Variants in SNX1 observed in about 807,000 individuals in gnomAD.
The protein encoded by SNX1 is sorting nexin 1.
Under a neutral mutation model 71.8 loss-of-function variants are expected in SNX1, and 36 were observed. The ratio of observed to expected loss-of-function variants is 0.50; its 90% CI spans 0.38 to 0.66. The LOEUF (loss-of-function observed/expected upper bound fraction) is 0.66, where lower values mean the gene tolerates loss of function less well. SNX1 is among the 30% of genes least tolerant of loss of function. The pLI is 0.00. For missense variants in SNX1, 612 were observed against 646.7 expected (o/e 0.95, Z 0.58); for synonymous variants, 254 against 240.7 (o/e 1.06, Z -0.51).
chr15:64,097,751 CTG>C (rs1008108592), intron 1 of SNX1, among the ~76,000 whole-genome samples: 3 of 152,186 alleles, frequency 2.0e-5, no homozygotes, highest in Admixed American at 2.0e-4. Flanking sequence ...AATGCTGGGT[CTG>C]TGAATTTATC....
intron 2 of SNX1, 96 bp downstream of exon 2, chr15:64,112,780 G>A: frequency 1.5e-6 from 1 of 685,222 alleles, no homozygotes; most frequent in Non-Finnish European, 2.4e-6. Flanking sequence ...AAAGTATTGG[G>A]AACATAACTT....
At position 64,144,002 on chromosome 15, in the gene SNX1, CAT is replaced by C. The variant is rs1220069639; in HGVS notation, c.*6387_*6388del. On this transcript the variant is annotated 3_prime_UTR_variant, in exon 15 of 15. Transcript: ENST00000559844. The surrounding 1 kb of genome is among the most constrained non-coding windows in gnomAD (Gnocchi z 4.3). ...GCTATATTCATTGACAAGGAAAACTCATATTTTTTAGTGAAAAAAGCAGGTTA... is the reference window on the plus strand; with the variant it reads ...GCTATATTCATTGACAAGGAAAACTCATTTTTTAGTGAAAAAAGCAGGTTA... 2 of 152,102 alleles carry C rather than the reference CAT, an allele frequency of 1.3e-5. No individual in the cohort carries two copies. Among genetic ancestry groups the C allele is most frequent in the African/African-American group, 4.8e-5 (2 of 41,416 alleles). 9.4% of individuals were successfully genotyped at this position (152,102 alleles called of 1,614,324 possible). A position where few individuals can be genotyped will look rare whatever the true frequency, so the allele number is the denominator to read the frequency against.
At chr15:64,114,967 C>T (rs2081113840) in intron 2 of SNX1, among the ~76,000 whole-genome samples, 1 of 152,096 alleles carries the variant, frequency 6.6e-6, no homozygotes, top group African/African-American at 2.4e-5. Context: ...GTAGCAAAAC[C>T]TCGTCTCTAT....
rs1353686520 is a variant in SNX1 at position 64,137,628 on chromosome 15, G to A, written c.*10G>A. On this transcript the variant is annotated 3_prime_UTR_variant, in exon 15 of 15. Coordinates refer to ENST00000559844, the MANE Select transcript of SNX1 (RefSeq NM_003099.5). ...AAAGGCCATCTCCTAATGGACCAAGGACCCCAGAGCCCACCTGTGTGACGC... is the reference window on the plus strand; with the variant it reads ...AAAGGCCATCTCCTAATGGACCAAGAACCCCAGAGCCCACCTGTGTGACGC... 1.2e-6 allele frequency: 2 copies of A among 1,614,142 alleles called. No homozygotes were observed. Among genetic ancestry groups the A allele is most frequent in the Non-Finnish European group, 1.7e-6 (2 of 1,180,010 alleles).
intron 1 of SNX1, among the ~76,000 whole-genome samples, chr15:64,102,183 G>GT (rs1387934791): frequency 1.3e-5 from 2 of 152,030 alleles, no homozygotes; most frequent in Non-Finnish European, 2.9e-5. Flanking sequence ...TGGTCATGGG[G>GT]TTTCTGTCTT....
chr15:64,135,619 C>T lies in SNX1; in HGVS notation c.1366-711C>T, dbSNP rs1175571882. 5.3e-5 allele frequency among the ~76,000 whole-genome samples: 8 copies of T among 151,714 alleles called. No individual in the cohort carries two copies. In the East Asian group the frequency reaches 1.4e-3, roughly 26 times the overall value. ...AAAAAAAATACAAAAATTAGCTGGGCGTGGTAGCACCCACTTATAGTCTCA... is the reference window on the plus strand; with the variant it reads ...AAAAAAAATACAAAAATTAGCTGGGTGTGGTAGCACCCACTTATAGTCTCA... On this transcript the variant is annotated intron_variant, in intron 12 of 14. Coordinates refer to ENST00000559844, the MANE Select transcript of SNX1 (RefSeq NM_003099.5).
At chr15:64,108,854 G>A (rs776646209) in intron 1 of SNX1, among the ~76,000 whole-genome samples, 2 of 151,884 alleles carry the variant, frequency 1.3e-5, no homozygotes, top group African/African-American at 2.4e-5. Context: ...CAGGCGTGGT[G>A]GTGGGCGCCC....
chr15:64,126,089 C>T lies in SNX1; in HGVS notation c.521C>T (p.Pro174Leu). 6.2e-7 allele frequency: 1 copy of T among 1,614,066 alleles called. No individual in the cohort carries two copies. Among genetic ancestry groups the T allele is most frequent in the Non-Finnish European group, 8.5e-7 (1 of 1,179,984 alleles). Residue 174 changes from proline (P) to leucine (L), a missense_variant, in exon 6 of 15, where the codon CCA becomes CTA. Pro to Leu is a moderately conservative substitution (Grantham distance 98). Transcript: ENST00000559844. ...AYKVTTQTSL[P>L]LFRSKQFAVK... ...TTTCCTGTCCCCAAGACAAGCTTAC[C>T]ATTGTTCAGAAGCAAACAGTTTGCA...
intron 11 of SNX1, among the ~76,000 whole-genome samples, chr15:64,133,634 GC>G (rs1189245144): frequency 6.6e-6 from 1 of 152,240 alleles, no homozygotes; most frequent in Non-Finnish European, 1.5e-5. Context: ...GGAGGCTGAG[GC>G]AGGAGAATCG....
At chr15:64,117,998 T>G (rs2081150156) in intron 2 of SNX1, 119 bp from the exon 3 acceptor site, 1 of 933,968 alleles carries the variant, frequency 1.1e-6, no homozygotes, top group Non-Finnish European at 1.7e-6. Flanking sequence ...ACTTTCAGTC[T>G]AAGAGCCTCT....
chr15:64,100,190 T>A lies in SNX1; in HGVS notation c.159+4018T>A, dbSNP rs566552965. ...AACTGCTGCTGTTAATCATCCCATC[T>A]GCTCTCTTTTACAGCCCAAGAGGCT... On this transcript the variant is annotated intron_variant, in intron 1 of 14. Transcript: ENST00000559844. Among the ~76,000 whole-genome samples, 953 of 152,348 alleles carry A rather than the reference T, an allele frequency of 6.3e-3. 3 individuals carry two copies. Among genetic ancestry groups the A allele is most frequent in the Non-Finnish European group, 0.011 (759 of 68,022 alleles).
At position 64,137,653 on chromosome 15, in the gene SNX1, C is replaced by T. The variant is rs1292564236; in HGVS notation, c.*35C>T. On this transcript the variant is annotated 3_prime_UTR_variant, in exon 15 of 15. Coordinates refer to ENST00000559844, the MANE Select transcript of SNX1 (RefSeq NM_003099.5). Reference sequence around the variant, plus strand: ...GACCCCAGAGCCCACCTGTGTGACGCTGCCTTTTTATACACTGTCCTCCTC... The same window carrying T: ...GACCCCAGAGCCCACCTGTGTGACGTTGCCTTTTTATACACTGTCCTCCTC... 1.9e-6 allele frequency: 3 copies of T among 1,614,062 alleles called. No individual in the cohort carries two copies. In the Admixed American group the frequency reaches 5.0e-5, roughly 27 times the overall value.
At chr15:64,122,704 C>G (rs1261459615) in intron 4 of SNX1, among the ~76,000 whole-genome samples, 2 of 152,152 alleles carry the variant, frequency 1.3e-5, no homozygotes, top group African/African-American at 4.8e-5. Flanking sequence ...AAACCAACCC[C>G]AAACACCATA....
At position 64,112,561 on chromosome 15, in the gene SNX1, C is replaced by G. The variant is rs566313730; in HGVS notation, c.160-12C>G. 6.4e-7 allele frequency: 1 copy of G among 1,560,844 alleles called. No homozygotes were observed. Among genetic ancestry groups the G allele is most frequent in the East Asian group, 2.2e-5 (1 of 44,576 alleles). On this transcript the variant is annotated splice_polypyrimidine_tract_variant and intron_variant, in intron 1 of 14. Transcript: ENST00000559844. ...TGGTAATGTTTTATTCAGAGTATCT[C>G]TTTGTTTTCAGAGTAAACATCAGTC...
intron 1 of SNX1, among the ~76,000 whole-genome samples, chr15:64,101,055 G>T (rs2080956253): frequency 6.6e-6 from 1 of 152,122 alleles, no homozygotes. Flanking sequence ...TCCCACCTTG[G>T]CCTCCCAAAG....
At chr15:64,130,850 A>G (rs982390951) in intron 10 of SNX1, among the ~76,000 whole-genome samples, 1 of 152,254 alleles carries the variant, frequency 6.6e-6, no homozygotes, top group African/African-American at 2.4e-5. Flanking sequence ...GGGTTGGCAA[A>G]GTATAATCTG....
chr15:64,108,937 G>A (rs1457199083), intron 1 of SNX1, among the ~76,000 whole-genome samples: 5 of 149,420 alleles, frequency 3.3e-5, no homozygotes, highest in Non-Finnish European at 5.9e-5. Flanking sequence ...GCAGTGAGCC[G>A]AGATCGCGCC....
intron 1 of SNX1, among the ~76,000 whole-genome samples, chr15:64,110,059 A>T (rs1197800016): frequency 6.6e-6 from 1 of 152,238 alleles, no homozygotes; most frequent in East Asian, 1.9e-4. Context: ...GTCCAGCATT[A>T]GGGGAATGAT....
chr15:64,130,084 AC>A (rs1038427392), intron 9 of SNX1, 55 bp downstream of exon 9: 3 of 1,498,002 alleles, frequency 2.0e-6, no homozygotes, highest in Non-Finnish European at 2.8e-6. Flanking sequence ...ATGGGTCAGA[AC>A]CCCTAAGGAG....
Sources: allele counts gnomAD v4.1 joint callset (sites outside exome capture counted in the v4.1 genomes callset), GRCh38; gene constraint gnomAD v4.1.1; non-coding constraint Gnocchi (gnomAD v3.1); transcripts MANE v1.5; gene names NCBI Gene and HGNC (gene_info 2026-07-23, HGNC 2026-07-21).